The following JAKMIP1 variants were observed in gnomAD, a reference collection of about 807,000 sequenced individuals.
JAKMIP1 encodes the protein janus kinase and microtubule interacting protein 1, also known as janus kinase and microtubule-interacting protein 1.
In JAKMIP1, 33 loss-of-function variants were observed where a neutral mutation model predicts 113.0. The ratio of observed to expected loss-of-function variants is 0.29; its 90% CI spans 0.22 to 0.39. The LOEUF is 0.39. JAKMIP1 is among the 10% of genes least tolerant of loss of function. The pLI, the probability that JAKMIP1 is intolerant of heterozygous loss-of-function variation, is 1.00. For missense variants in JAKMIP1, 813 were observed against 1,080.5 expected, an observed-to-expected ratio of 0.75 and a Z score of 3.47; for synonymous variants, 480 against 459.9, an observed-to-expected ratio of 1.04 and a Z score of -0.56.
rs938344105 is a variant in JAKMIP1 at position 6,184,235 on chromosome 4, C to T, written c.-148+16018G>A. Among the ~76,000 whole-genome samples, 9 of 152,162 alleles carry T rather than the reference C, an allele frequency of 5.9e-5. No individual in the cohort carries two copies. Among genetic ancestry groups the T allele is most frequent in the Admixed American group, 3.3e-4 (5 of 15,272 alleles). The stretch of plus-strand genomic sequence containing the variant: ...TCACACTGTCCTGTGAGTATCATCC[C>T]TTCTCAATAGGCAGAAACCAGGTGC... On this transcript the variant is annotated intron_variant, in intron 1 of 20. Coordinates refer to ENST00000409021, the MANE Select transcript of JAKMIP1 (RefSeq NM_001099433.2). This position sits in a 1 kb window ranked among gnomAD's most constrained non-coding sequence, Gnocchi z 4.5.
chr4:6,098,613 A>G (rs1712317566), intron 3 of JAKMIP1, among the ~76,000 whole-genome samples: 2 of 137,408 alleles, frequency 1.5e-5, no homozygotes, highest in African/African-American at 2.7e-5. Flanking sequence ...GAAGAAAAGA[A>G]AGAAAAAGAA....
In JAKMIP1 at chr4:6,085,479, T is replaced by C; in HGVS notation, c.775A>G (p.Ser259Gly). ...CCGGGCGGGAGCTCTCTCTTTGGACTACTGTGGTGCCGCTCGGCCTCCTTG... is the reference window on the plus strand; with the variant it reads ...CCGGGCGGGAGCTCTCTCTTTGGACCACTGTGGTGCCGCTCGGCCTCCTTG... ...QVKEAERHHS[S>G]PKRELPPGIG... Residue 259 changes from serine (S) to glycine (G), a missense_variant, in exon 4 of 21, where the codon AGT becomes GGT. Ser to Gly is a moderately conservative substitution (Grantham distance 56, BLOSUM62 0). Coordinates refer to ENST00000409021, the MANE Select transcript of JAKMIP1 (RefSeq NM_001099433.2). 1 of 1,614,122 alleles carries C rather than the reference T, an allele frequency of 6.2e-7. No individual in the cohort carries two copies. Among genetic ancestry groups the C allele is most frequent in the Admixed American group, 1.7e-5 (1 of 60,024 alleles).
At position 6,109,358 on chromosome 4, in the gene JAKMIP1, C is replaced by A. The variant is rs564444298; in HGVS notation, c.129+3364G>T. 4.6e-5 allele frequency among the ~76,000 whole-genome samples: 7 copies of A among 152,008 alleles called. No homozygotes were observed. In the South Asian group the frequency reaches 1.5e-3, roughly 32 times the overall value. ...CTGTGTTAGCCAGGATGGTCTCGAT[C>A]TCCTGACCTCATTATCCGCCCGCCT... On this transcript the variant is annotated intron_variant, in intron 2 of 20. Coordinates refer to ENST00000409021, the MANE Select transcript of JAKMIP1 (RefSeq NM_001099433.2).
intron 9 of JAKMIP1, among the ~76,000 whole-genome samples, chr4:6,063,913 G>T (rs1251004681): frequency 1.3e-5 from 2 of 152,234 alleles, no homozygotes; most frequent in African/African-American, 4.8e-5. Context: ...AGCAAGGGGA[G>T]CTTGTGGAGA....
chr4:6,045,123 C>T (rs1714818304), intron 16 of JAKMIP1, among the ~76,000 whole-genome samples: 1 of 152,248 alleles, frequency 6.6e-6, no homozygotes, highest in Non-Finnish European at 1.5e-5. Flanking sequence ...GGGGATGGTC[C>T]CAAGGCTTCG....
chr4:6,189,766 T>C (rs1727039416), intron 1 of JAKMIP1, among the ~76,000 whole-genome samples: 1 of 151,570 alleles, frequency 6.6e-6, no homozygotes, highest in African/African-American at 2.4e-5. Context: ...AGCCTGGGGA[T>C]GGAGTTTTCT....
intron 12 of JAKMIP1, chr4:6,054,607 G>A (rs1716095410): frequency 5.2e-6 from 2 of 384,720 alleles, no homozygotes; most frequent in African/African-American, 2.1e-5. Flanking sequence ...GGCCCCTCCT[G>A]CTTCCCCACA....
rs1717830663 is a variant in JAKMIP1, at chr4:6,064,870, G to C, written c.1431+10C>G. ...GGGTGAGGTCCCGCCCTCTCTGCAG[G>C]TTTGCTTACATCGTCCAAGTCTTCT... On this transcript the variant is annotated intron_variant, in intron 9 of 20. Transcript: ENST00000409021. The surrounding 1 kb of genome is among the most constrained non-coding windows in gnomAD (Gnocchi z 4.3). 1.2e-6 allele frequency: 2 copies of C among 1,613,816 alleles called. No homozygotes were observed. Among genetic ancestry groups the C allele is most frequent in the African/African-American group, 2.7e-5 (2 of 74,900 alleles).
intron 16 of JAKMIP1, among the ~76,000 whole-genome samples, chr4:6,046,918 C>G (rs1392884456): frequency 2.0e-5 from 3 of 152,196 alleles, no homozygotes; most frequent in African/African-American, 7.2e-5. Flanking sequence ...CCTGCCCCAG[C>G]CCCAGGACGA....
At chr4:6,134,166 G>A (rs1221526394) in intron 1 of JAKMIP1, among the ~76,000 whole-genome samples, 1 of 152,160 alleles carries the variant, frequency 6.6e-6, no homozygotes, top group East Asian at 1.9e-4. Flanking sequence ...TTTTATAAGT[G>A]TTTGACAGTT....
Position 6,179,150 on chromosome 4 carries a change from G to A in JAKMIP1, c.-148+21103C>T, listed in dbSNP as rs1560333594. ...TGAAATGGTCTTAGAAGGACCCACA[G>A]GCACACCTAGGTCTCCCATGCCACC... On this transcript the variant is annotated intron_variant, in intron 1 of 20. Transcript: ENST00000409021. The surrounding 1 kb of genome is among the most constrained non-coding windows in gnomAD (Gnocchi z 4.5). Among the ~76,000 whole-genome samples the A allele has an allele frequency of 6.6e-6, 1 of 152,210 alleles. No individual in the cohort carries two copies. Among genetic ancestry groups the A allele is most frequent in the Non-Finnish European group, 1.5e-5 (1 of 68,044 alleles).
At chr4:6,177,811 C>T (rs1725535952) in intron 1 of JAKMIP1, among the ~76,000 whole-genome samples, 3 of 152,204 alleles carry the variant, frequency 2.0e-5, no homozygotes, top group African/African-American at 7.2e-5. Flanking sequence ...ACCTGGGTGG[C>T]CCCTGCCTCT....
chr4:6,127,815 A>G (rs1717922782), intron 1 of JAKMIP1, among the ~76,000 whole-genome samples: 2 of 152,220 alleles, frequency 1.3e-5, no homozygotes, highest in Non-Finnish European at 2.9e-5. Flanking sequence ...TTCAGAAAGC[A>G]CTTCTCATTT....
chr4:6,080,318 G>A lies in JAKMIP1; in HGVS notation c.1102-6C>T. The A allele has an allele frequency of 1.2e-6, 2 of 1,613,296 alleles. No individual in the cohort carries two copies. Among genetic ancestry groups the A allele is most frequent in the Non-Finnish European group, 1.7e-6 (2 of 1,179,576 alleles). On this transcript the variant is annotated splice_polypyrimidine_tract_variant and splice_region_variant and intron_variant, in intron 6 of 20. Coordinates refer to ENST00000409021, the MANE Select transcript of JAKMIP1 (RefSeq NM_001099433.2). This position sits in a 1 kb window ranked among gnomAD's most constrained non-coding sequence, Gnocchi z 6.0. Reference sequence around the variant, plus strand: ...TGCGCTGACAGCTTTTCTTTCTGCAGCCACAGGGAGACAGACCACCACAGG... The same window carrying A: ...TGCGCTGACAGCTTTTCTTTCTGCAACCACAGGGAGACAGACCACCACAGG...
Position 6,142,107 on chromosome 4 carries a change from TTTCCTC to T in JAKMIP1, c.-147-29116_-147-29111del, listed in dbSNP as rs1332022939. 3.9e-5 allele frequency among the ~76,000 whole-genome samples: 6 copies of T among 151,986 alleles called. No individual in the cohort carries two copies. The highest frequency in any genetic ancestry group is 1.5e-4 in the African/African-American group (6 of 41,360). On this transcript the variant is annotated intron_variant, in intron 1 of 20. Transcript: ENST00000409021. The surrounding 1 kb of genome is among the most constrained non-coding windows in gnomAD (Gnocchi z 5.5). ...CTATCAGTCATTTTCTAGCTTGTCT[TTTCCTC>T]TTCATATCATGAAATAAGAATTTTC...
rs62282960 is a variant in JAKMIP1, at chr4:6,142,313, T to C, written c.-147-29316A>G. On this transcript the variant is annotated intron_variant, in intron 1 of 20. Coordinates refer to ENST00000409021, the MANE Select transcript of JAKMIP1 (RefSeq NM_001099433.2). The surrounding 1 kb of genome is among the most constrained non-coding windows in gnomAD (Gnocchi z 5.5). Reference sequence around the variant, plus strand: ...AGTTTCGAAGAGGCTCGTACCCATGTATGCCCGCACAGGCAGGGGAAAGGG... The same window carrying C: ...AGTTTCGAAGAGGCTCGTACCCATGCATGCCCGCACAGGCAGGGGAAAGGG... Among the ~76,000 whole-genome samples the C allele has an allele frequency of 0.072, 10,936 of 152,216 alleles. 452 individuals carry two copies. Among genetic ancestry groups the C allele is most frequent in the Middle Eastern group, 0.12 (36 of 294 alleles).
intron 19 of JAKMIP1, among the ~76,000 whole-genome samples, chr4:6,032,829 G>A (rs1712913253): frequency 6.6e-6 from 1 of 152,206 alleles, no homozygotes; most frequent in Non-Finnish European, 1.5e-5. Flanking sequence ...TTGTACTCTG[G>A]GCACCAGGGA....
In JAKMIP1 at chr4:6,065,134, G is replaced by A. The variant is rs774852091; in HGVS notation, c.1303-126C>T. 2.1e-4 allele frequency: 252 copies of A among 1,196,004 alleles called. 1 individual carries two copies. Among genetic ancestry groups the A allele is most frequent in the Non-Finnish European group, 3.0e-4 (243 of 823,580 alleles). 74.1% of individuals were successfully genotyped at this position (1,196,004 alleles called of 1,614,324 possible). ...CATTTGGGCCACTGGGGCATCACAA[G>A]ATGCGGTTGGTGGGCTTCGTAACTG... On this transcript the variant is annotated intron_variant, in intron 8 of 20. Transcript: ENST00000409021. This position sits in a 1 kb window ranked among gnomAD's most constrained non-coding sequence, Gnocchi z 5.1.
intron 12 of JAKMIP1, among the ~76,000 whole-genome samples, 170 bp from the exon 13 acceptor site, chr4:6,054,318 G>T (rs1005919830): frequency 4.6e-5 from 7 of 152,200 alleles, no homozygotes; most frequent in Non-Finnish European, 8.8e-5. Flanking sequence ...GGTGCTGCAG[G>T]TCCTTTTTGC....
Sources: gnomAD v4.1 joint callset for allele counts (sites outside exome capture counted in the v4.1 genomes callset) on GRCh38, gnomAD v4.1.1 for gene constraint, Gnocchi (gnomAD v3.1) non-coding constraint, MANE v1.5 for transcripts, NCBI Gene and HGNC (gene_info 2026-07-23, HGNC 2026-07-21) for gene names.